SPON1: variants seen among roughly 807,000 people sequenced by gnomAD.
SPON1 encodes spondin 1, also known as spondin-1.
In SPON1, 52 loss-of-function variants were observed where a neutral mutation model predicts 111.7. The ratio of observed to expected loss-of-function variants is 0.47; its 90% CI spans 0.37 to 0.59. The LOEUF is 0.59. Ranked by LOEUF, SPON1 falls within the 20% of genes least tolerant of loss-of-function variation. The pLI is 0.00. For synonymous variants in SPON1, 410 were observed against 395.8 expected, an observed-to-expected ratio of 1.04 and a Z score of -0.43; for missense variants, 957 against 1,068.5, an observed-to-expected ratio of 0.90 and a Z score of 1.46.
chr11:14,188,725 C>T (rs1407149405), intron 6 of SPON1, among the ~76,000 whole-genome samples: 1 of 152,098 alleles, frequency 6.6e-6, no homozygotes, highest in Non-Finnish European at 1.5e-5. Context: ...GACTCTGCCA[C>T]TCAACTAACC....
At chr11:14,012,215 G>T (rs892755398) in intron 2 of SPON1, among the ~76,000 whole-genome samples, 1 of 152,164 alleles carries the variant, frequency 6.6e-6, no homozygotes, top group Non-Finnish European at 1.5e-5. Context: ...AGCCTCTCCT[G>T]CTGGCTTCAG....
rs539849507 is a variant in SPON1, at chr11:14,247,468, A to G, written c.890+4072A>G. Among the ~76,000 whole-genome samples, 14 of 152,330 alleles carry G rather than the reference A, an allele frequency of 9.2e-5. 1 individual carries two copies. Among genetic ancestry groups the G allele is most frequent in the Admixed American group, 8.5e-4 (13 of 15,300 alleles). ...CATGATCATATTTGCATTAAAAAAT[A>G]AAAAGCAATAACAGCACTCGGCCCC... is the stretch of plus-strand genomic sequence containing the variant. On this transcript the variant is annotated intron_variant, in intron 7 of 15. Coordinates refer to ENST00000576479, the MANE Select transcript of SPON1 (RefSeq NM_006108.4).
chr11:14,247,452 A>G (rs1554940338), intron 7 of SPON1, among the ~76,000 whole-genome samples: 1 of 152,188 alleles, frequency 6.6e-6, no homozygotes, highest in African/African-American at 2.4e-5. Context: ...ACATGATCAT[A>G]TTTGCATTAA....
chr11:14,116,300 A>G (rs782638650), intron 5 of SPON1, among the ~76,000 whole-genome samples: 2 of 151,998 alleles, frequency 1.3e-5, no homozygotes, highest in Non-Finnish European at 2.9e-5. Flanking sequence ...CCATTTAAGA[A>G]GTTTTTGCCT....
intron 3 of SPON1, among the ~76,000 whole-genome samples, chr11:14,070,313 G>A (rs977482250): frequency 2.0e-5 from 3 of 152,114 alleles, no homozygotes; most frequent in Admixed American, 2.0e-4. Context: ...TTGGGAAGAA[G>A]GCTGGCAAAA....
At chr11:14,141,532 G>T (rs868906807) in intron 6 of SPON1, among the ~76,000 whole-genome samples, 2 of 152,108 alleles carry the variant, frequency 1.3e-5, no homozygotes, top group Non-Finnish European at 2.9e-5. Flanking sequence ...CCTAATACAG[G>T]CATTGATTAT....
At chr11:14,147,204 AT>A (rs1310576999) in intron 6 of SPON1, among the ~76,000 whole-genome samples, 5 of 148,338 alleles carry the variant, frequency 3.4e-5, no homozygotes, top group African/African-American at 7.4e-5. Flanking sequence ...TAATTTTTGT[AT>A]TTTTTTTTAG....
At chr11:13,967,726 C>A (rs1848029645) in intron 1 of SPON1, among the ~76,000 whole-genome samples, 1 of 152,224 alleles carries the variant, frequency 6.6e-6, no homozygotes, top group Middle Eastern at 3.4e-3. Flanking sequence ...TTAAGTGCTG[C>A]TGATGATATT....
intron 6 of SPON1, among the ~76,000 whole-genome samples, chr11:14,158,759 G>T (rs560167015): frequency 6.6e-6 from 1 of 152,078 alleles, no homozygotes; most frequent in Non-Finnish European, 1.5e-5. Context: ...TTGTTCTTGG[G>T]AGATTGTTGG....
At chr11:13,981,422 G>A (rs1383071729) in intron 1 of SPON1, among the ~76,000 whole-genome samples, 1 of 152,144 alleles carries the variant, frequency 6.6e-6, no homozygotes, top group African/African-American at 2.4e-5. Flanking sequence ...CACCTCCCGG[G>A]TTCACACCAT....
At chr11:14,164,026 A>G (rs1449504869) in intron 6 of SPON1, among the ~76,000 whole-genome samples, 1 of 152,184 alleles carries the variant, frequency 6.6e-6, no homozygotes, top group Admixed American at 6.5e-5. Context: ...GATGGTCACT[A>G]TTTAGAACTA....
At chr11:14,041,294 C>T (rs1050841502) in intron 2 of SPON1, among the ~76,000 whole-genome samples, 2 of 152,086 alleles carry the variant, frequency 1.3e-5, no homozygotes, top group South Asian at 4.1e-4. Context: ...AAGATTTGGT[C>T]CCAGAGAGCA....
At chr11:14,162,977 T>C (rs1272980039) in intron 6 of SPON1, among the ~76,000 whole-genome samples, 1 of 152,174 alleles carries the variant, frequency 6.6e-6, no homozygotes, top group Non-Finnish European at 1.5e-5. Flanking sequence ...TTATTTTGAG[T>C]ATAGTTATTT....
chr11:14,058,379 G>C (rs1238592192), intron 3 of SPON1, among the ~76,000 whole-genome samples: 8 of 152,138 alleles, frequency 5.3e-5, no homozygotes, highest in African/African-American at 1.9e-4. Context: ...CCAGTCAACA[G>C]GCAGCAACCT....
intron 5 of SPON1, among the ~76,000 whole-genome samples, chr11:14,090,823 GGCCCCCCCCCCCC>G (rs782572118): frequency 0.43 from 11,623 of 27,050 alleles, 1,283 homozygotes; most frequent in Middle Eastern, 0.54. Context: ...TCTCTTATCT[GGCCCCCCCCCCCC>G]CCCCCCCCGC....
At chr11:14,103,213 A>G (rs1554924567) in intron 5 of SPON1, among the ~76,000 whole-genome samples, 1 of 152,136 alleles carries the variant, frequency 6.6e-6, no homozygotes. Context: ...ATTCATCCTG[A>G]CACTCTTAGA....
At chr11:14,032,911 C>T (rs2133809448) in intron 2 of SPON1, among the ~76,000 whole-genome samples, 1 of 152,240 alleles carries the variant, frequency 6.6e-6, no homozygotes, top group African/African-American at 2.4e-5. Context: ...GCCCAGCCCA[C>T]CCAGTACCCA....
chr11:14,095,987 C>T (rs1849097926), intron 5 of SPON1, among the ~76,000 whole-genome samples: 1 of 152,174 alleles, frequency 6.6e-6, no homozygotes, highest in Non-Finnish European at 1.5e-5. Context: ...TATGATGGGA[C>T]AGGAGACATT....
At chr11:14,026,166 A>G (rs1591354870) in intron 2 of SPON1, among the ~76,000 whole-genome samples, 1 of 152,150 alleles carries the variant, frequency 6.6e-6, no homozygotes, top group Non-Finnish European at 1.5e-5. Flanking sequence ...TGATCAGTGT[A>G]TTCCCCCCAA....
Sources: gnomAD v4.1 joint callset for allele counts (sites outside exome capture counted in the v4.1 genomes callset) on GRCh38, gnomAD v4.1.1 for gene constraint, MANE v1.5 for transcripts, NCBI Gene and HGNC (gene_info 2026-07-23, HGNC 2026-07-21) for gene names.